Variants in FAM199X observed in about 807,000 individuals in gnomAD.
FAM199X encodes the protein family with sequence similarity 199, X-linked.
Under a neutral mutation model 22.9 loss-of-function variants are expected in FAM199X, and 4 were observed. The ratio of observed to expected loss-of-function variants is 0.17; its 90% CI spans 0.09 to 0.40. FAM199X has a LOEUF of 0.40. FAM199X is among the 10% of genes least tolerant of loss of function. The probability of loss-of-function intolerance (pLI) is 1.00; values close to 1 mark genes in which losing one functional copy is unlikely to be tolerated. For synonymous variants in FAM199X, 101 were observed against 112.3 expected, an observed-to-expected ratio of 0.90 and a Z score of 0.64; for missense variants, 183 against 306.8, an observed-to-expected ratio of 0.60 and a Z score of 3.01.
upstream of FAM199X, among the ~76,000 whole-genome samples, chrX:104,161,962 C>A (rs1921054134): frequency 8.9e-6 from 1 of 112,125 alleles, no homozygotes; most frequent in Non-Finnish European, 1.9e-5. Flanking sequence ...AGGGTGTGAA[C>A]AAAAGTTCTC....
intron 1 of FAM199X, among the ~76,000 whole-genome samples, chrX:104,170,790 A>G (rs1016106675): frequency 3.6e-5 from 4 of 111,447 alleles, no homozygotes. Context: ...GAGGGCAGGA[A>G]AGATGGGTAA....
chrX:104,188,366 T>C, intron 5 of FAM199X, 60 bp downstream of exon 5: 1 of 1,149,363 alleles, frequency 8.7e-7, no homozygotes, highest in Admixed American at 2.2e-5. Context: ...TACTCCTTCA[T>C]ATAAATTTCT....
At chrX:104,164,446 A>G (rs1921104935), upstream of FAM199X, among the ~76,000 whole-genome samples, 1 of 112,147 alleles carries the variant, frequency 8.9e-6, no homozygotes, top group Non-Finnish European at 1.9e-5. Context: ...GCAGTTAGTT[A>G]TCATGTGGTC....
intron 2 of FAM199X, among the ~76,000 whole-genome samples, chrX:104,176,574 G>A (rs1313497770): frequency 2.7e-5 from 3 of 112,360 alleles, no homozygotes; most frequent in African/African-American, 9.7e-5. Context: ...CCAAAAGAGG[G>A]ATTGAATATT....
chrX:104,184,810 T>G (rs952979691), intron 2 of FAM199X, among the ~76,000 whole-genome samples: 1 of 110,471 alleles, frequency 9.1e-6, no homozygotes, highest in African/African-American at 3.3e-5. Context: ...AGACTGAGTC[T>G]TACTCTGTCG....
chrX:104,174,223 G>A (rs986651043), intron 1 of FAM199X, among the ~76,000 whole-genome samples: 14 of 111,017 alleles, frequency 1.3e-4, no homozygotes, highest in Non-Finnish European at 2.1e-4. Context: ...TGGGAGAATC[G>A]CTTGAGCCTG....
the FAM199X span, among the ~76,000 whole-genome samples, chrX:104,160,621 G>A: frequency 8.9e-6 from 1 of 112,010 alleles, no homozygotes. Flanking sequence ...ACAACAGACC[G>A]GATTACCAGC....
the FAM199X span, among the ~76,000 whole-genome samples, chrX:104,161,241 T>C: frequency 1.5e-4 from 17 of 111,998 alleles, no homozygotes; most frequent in Non-Finnish European, 2.1e-4. Flanking sequence ...GAAATGTTGG[T>C]TGTTTCTGAA....
chrX:104,167,057 G>C, intron 1 of FAM199X, 75 bp downstream of exon 1: 1 of 966,456 alleles, frequency 1.0e-6, no homozygotes, highest in Non-Finnish European at 1.4e-6. Flanking sequence ...TTCGTCCCGG[G>C]CTGCGCTTCC....
chrX:104,185,014 G>A (rs994295977), intron 2 of FAM199X, among the ~76,000 whole-genome samples: 1 of 103,666 alleles, frequency 9.6e-6, no homozygotes, highest in African/African-American at 3.6e-5. Context: ...GGGCCCAAGC[G>A]ATCCTCCCAC....
chrX:104,187,018 G>A (rs1258558399), intron 4 of FAM199X, among the ~76,000 whole-genome samples: 1 of 111,451 alleles, frequency 9.0e-6, no homozygotes, highest in African/African-American at 3.3e-5. Flanking sequence ...AGTAATAATT[G>A]AGCCAGGCTA....
upstream of FAM199X, among the ~76,000 whole-genome samples, chrX:104,162,840 C>T (rs1921072333): frequency 8.9e-6 from 1 of 111,783 alleles, no homozygotes; most frequent in Non-Finnish European, 1.9e-5. Flanking sequence ...TTCCTCACCT[C>T]AAAATCCTCA....
At chrX:104,178,582 G>A (rs1556377034) in intron 2 of FAM199X, among the ~76,000 whole-genome samples, 1 of 111,236 alleles carries the variant, frequency 9.0e-6, no homozygotes, top group African/African-American at 3.3e-5. Flanking sequence ...CACCTGGCTC[G>A]CAAATTTATT....
At chrX:104,159,013 A>T in the FAM199X span, among the ~76,000 whole-genome samples, 1 of 112,280 alleles carries the variant, frequency 8.9e-6, no homozygotes. Context: ...GCCAAATTTA[A>T]AAACAAAAAT....
intron 2 of FAM199X, among the ~76,000 whole-genome samples, chrX:104,185,684 C>T (rs1921784507): frequency 9.0e-6 from 1 of 110,675 alleles, no homozygotes. Context: ...CATCTCGGCT[C>T]ACTGCAACCT....
At chrX:104,178,436 G>C (rs1264887119) in intron 2 of FAM199X, among the ~76,000 whole-genome samples, 1 of 111,377 alleles carries the variant, frequency 9.0e-6, no homozygotes, top group Non-Finnish European at 1.9e-5. Context: ...CAAAGTGCTA[G>C]GATTACAGGT....
At chrX:104,170,585 T>G (rs2147889471) in intron 1 of FAM199X, among the ~76,000 whole-genome samples, 1 of 111,905 alleles carries the variant, frequency 8.9e-6, no homozygotes. Flanking sequence ...TCTTTTTTTC[T>G]TTTTTTAACT....
chrX:104,178,759 G>A (rs910326981), intron 2 of FAM199X, among the ~76,000 whole-genome samples: 4 of 111,610 alleles, frequency 3.6e-5, no homozygotes, highest in African/African-American at 1.3e-4. Context: ...TGTCCTTAAC[G>A]CTAGTACCAC....
intron 1 of FAM199X, among the ~76,000 whole-genome samples, chrX:104,167,822 G>C (rs1018585060): frequency 9.2e-6 from 1 of 109,267 alleles, no homozygotes; most frequent in Non-Finnish European, 1.9e-5. Flanking sequence ...ATCTTGGGGG[G>C]TGGGTTGAAG....
Sources: allele counts gnomAD v4.1 joint callset (sites outside exome capture counted in the v4.1 genomes callset), GRCh38; gene constraint gnomAD v4.1.1; transcripts MANE v1.5; gene names NCBI Gene and HGNC (gene_info 2026-07-23, HGNC 2026-07-21).